TSGA10: variants seen among roughly 807,000 people sequenced by gnomAD.
TSGA10 encodes the protein testis specific 10.
TSGA10 carries 43 observed loss-of-function variants against 96.6 expected under a neutral mutation model. The ratio of observed to expected loss-of-function variants is 0.44; its 90% CI spans 0.35 to 0.57. The LOEUF is 0.57. TSGA10 is among the 20% of genes least tolerant of loss of function. The pLI, the probability that TSGA10 is intolerant of heterozygous loss-of-function variation, is 0.01. For synonymous variants in TSGA10, 229 were observed against 269.9 expected (o/e 0.85, Z 1.48); for missense variants, 703 against 834.4 (o/e 0.84, Z 1.94).
intron 6 of TSGA10, 131 bp downstream of exon 6, chr2:99,109,258 T>G: frequency 2.0e-6 from 2 of 982,972 alleles, no homozygotes; most frequent in Non-Finnish European, 3.1e-6. Flanking sequence ...GAGACCTCTG[T>G]CTCTCAACCC....
chr2:99,125,134 A>C (rs1184523144), intron 2 of TSGA10: 1 of 152,106 alleles, frequency 6.6e-6, no homozygotes, highest in African/African-American at 2.4e-5. Flanking sequence ...GGAATCATAC[A>C]TTTCGTAGCC....
At chr2:99,070,275 T>C (rs2085791237) in intron 14 of TSGA10, among the ~76,000 whole-genome samples, 1 of 152,160 alleles carries the variant, frequency 6.6e-6, no homozygotes, top group African/African-American at 2.4e-5. Flanking sequence ...ATAGTCTCAC[T>C]TATTAACCAT....
At chr2:99,000,756 G>A (rs1478318266) in intron 20 of TSGA10, among the ~76,000 whole-genome samples, 2 of 152,056 alleles carry the variant, frequency 1.3e-5, no homozygotes, top group African/African-American at 4.8e-5. Flanking sequence ...CCTAGTGCTC[G>A]GGACACTCCC....
rs77969398 is a variant in TSGA10, at chr2:99,118,804, T to C, written c.-491-118A>G. On this transcript the variant is annotated intron_variant, in intron 2 of 20. Transcript: ENST00000393483. ...GCCCTCAGGGAACTCTTTGTTTACT[T>C]GAGGAAATACAAAGACAACATGTTA... 1.8e-3 allele frequency: 483 copies of C among 275,284 alleles called. 5 individuals carry two copies. In the East Asian group the frequency reaches 0.022, roughly 13 times the overall value. The allele number at this position is 275,284 out of a possible 1,614,324, so 17.1% of individuals were successfully genotyped here.
chr2:99,143,636 A>C (rs924872810), intron 1 of TSGA10, among the ~76,000 whole-genome samples: 1 of 151,120 alleles, frequency 6.6e-6, no homozygotes, highest in Non-Finnish European at 1.5e-5. Context: ...ATGCCCAGCT[A>C]ATTTTTGTAT....
chr2:99,089,724 C>T (rs2089046212), intron 10 of TSGA10, among the ~76,000 whole-genome samples: 1 of 152,160 alleles, frequency 6.6e-6, no homozygotes. Context: ...CTGGGAACCA[C>T]ACTCCCATCC....
intron 3 of TSGA10, 82 bp downstream of exon 3, chr2:99,118,467 AAG>A: frequency 2.0e-6 from 1 of 511,814 alleles, no homozygotes; most frequent in Non-Finnish European, 2.5e-6. Context: ...AAAAAAAAAA[AAG>A]TATATATACA....
chr2:99,042,914 G>A (rs141017849), intron 16 of TSGA10, among the ~76,000 whole-genome samples: 1 of 151,954 alleles, frequency 6.6e-6, no homozygotes, highest in Non-Finnish European at 1.5e-5. Flanking sequence ...GGCCAGGCTG[G>A]TCTCAAACTC....
chr2:99,050,655 C>A (rs1438388655), intron 16 of TSGA10, among the ~76,000 whole-genome samples: 1 of 151,796 alleles, frequency 6.6e-6, no homozygotes, highest in Admixed American at 6.6e-5. Context: ...CAATAATTCA[C>A]AAAATGCAGG....
At chr2:99,034,786 C>A (rs1308082626) in intron 17 of TSGA10, among the ~76,000 whole-genome samples, 2 of 152,036 alleles carry the variant, frequency 1.3e-5, no homozygotes, top group African/African-American at 4.8e-5. Context: ...TCCCTGAGGA[C>A]AGGAACCTAT....
In TSGA10 at chr2:99,065,059, T is replaced by G; in HGVS notation, c.1284A>C (p.Glu428Asp). Residue 428 changes from glutamate (E) to aspartate (D), a missense_variant, in exon 16 of 21, where the codon GAA becomes GAC. Glu to Asp is a conservative substitution (Grantham distance 45). Transcript: ENST00000393483. ...RKANEDAENW[E>D]NKARQSEADN... ...CTGCCTCTGATTGACGGGCTTTATT[T>G]TCCCAGTTTTCAGCATCTTCATTGG... 5 of 1,613,918 alleles carry G rather than the reference T, an allele frequency of 3.1e-6. No homozygotes were observed. Among genetic ancestry groups the G allele is most frequent in the Non-Finnish European group, 4.2e-6 (5 of 1,179,892 alleles).
chr2:99,105,822 C>T lies in TSGA10; in HGVS notation c.211-125G>A, dbSNP rs751667438. The stretch of plus-strand genomic sequence containing the variant: ...CATGCATGCAGCAGGGTAATGGTAT[C>T]GCTTTTATTTTAAAATAAGCTTATA... On this transcript the variant is annotated intron_variant, in intron 7 of 20. Transcript: ENST00000393483. 87 of 556,692 alleles carry T rather than the reference C, an allele frequency of 1.6e-4. 2 individuals are homozygous for T. Among genetic ancestry groups the T allele is most frequent in the Admixed American group, 1.1e-3 (35 of 31,192 alleles). The allele number at this position is 556,692 out of a possible 1,614,324, so 34.5% of individuals were successfully genotyped here.
intron 1 of TSGA10, among the ~76,000 whole-genome samples, chr2:99,128,493 A>G (rs2092934191): frequency 6.6e-6 from 1 of 152,230 alleles, no homozygotes; most frequent in Non-Finnish European, 1.5e-5. Context: ...ACTGAATTTA[A>G]GAATCATCTG....
chr2:99,074,000 CT>C (rs1167854716), intron 12 of TSGA10, among the ~76,000 whole-genome samples: 32 of 52,630 alleles, frequency 6.1e-4, no homozygotes, highest in African/African-American at 7.5e-4. Context: ...TGTTTCTTTT[CT>C]TTTTTTTTTT....
chr2:99,022,193 G>A (rs573527610), intron 17 of TSGA10, among the ~76,000 whole-genome samples: 109 of 151,986 alleles, frequency 7.2e-4, no homozygotes, highest in African/African-American at 2.5e-3. Flanking sequence ...CAGGCATGGT[G>A]ACATAGGCCT....
chr2:99,146,090 C>T (rs1261340278), intron 1 of TSGA10, among the ~76,000 whole-genome samples: 1 of 152,210 alleles, frequency 6.6e-6, no homozygotes, highest in Non-Finnish European at 1.5e-5. Flanking sequence ...CGAGACCAGC[C>T]TGGCCAACAT....
intron 12 of TSGA10, among the ~76,000 whole-genome samples, chr2:99,073,995 C>CTTTTTTTTTTTTTT (rs2086298056): frequency 2.8e-5 from 1 of 36,134 alleles, no homozygotes; most frequent in African/African-American, 1.1e-4. Flanking sequence ...GTTCCTGTTT[C>CTTTTTTTTTTTTTT]TTTTCTTTTT....
At chr2:99,068,035 T>C (rs765591431) in intron 15 of TSGA10, among the ~76,000 whole-genome samples, 1 of 152,188 alleles carries the variant, frequency 6.6e-6, no homozygotes, top group Non-Finnish European at 1.5e-5. Context: ...TGTTCATTTA[T>C]GGTATTACAT....
intron 1 of TSGA10, among the ~76,000 whole-genome samples, 173 bp from the exon 2 acceptor site, chr2:99,127,349 T>C (rs2092880463): frequency 6.6e-6 from 1 of 152,100 alleles, no homozygotes; most frequent in Admixed American, 6.5e-5. Flanking sequence ...TAAAACTTTT[T>C]CTGTGTGTTG....
Sources: gnomAD v4.1 joint callset for allele counts (sites outside exome capture counted in the v4.1 genomes callset) on GRCh38, gnomAD v4.1.1 for gene constraint, MANE v1.5 for transcripts, NCBI Gene and HGNC (gene_info 2026-07-23, HGNC 2026-07-21) for gene names.